Variants in FTO observed in about 807,000 individuals in gnomAD.
FTO encodes the protein FTO alpha-ketoglutarate dependent dioxygenase.
Under a neutral mutation model 63.9 loss-of-function variants are expected in FTO, and 47 were observed. That is an observed-to-expected ratio of 0.74 (90% CI 0.58 to 0.94). The LOEUF (loss-of-function observed/expected upper bound fraction) is 0.94. Among genes scored for constraint, FTO ranks in the 40% least tolerant of loss-of-function variants. The pLI is 0.00. For missense variants in FTO, 562 were observed against 618.1 expected (o/e 0.91, Z 0.96); for synonymous variants, 207 against 224.4 (o/e 0.92, Z 0.69).
At chr16:54,092,586 C>A (rs531997656) in intron 8 of FTO, among the ~76,000 whole-genome samples, 1 of 152,268 alleles carries the variant, frequency 6.6e-6, no homozygotes, top group African/African-American at 2.4e-5. Flanking sequence ...GAACCTGTTC[C>A]TTCATCCTCA....
intron 8 of FTO, among the ~76,000 whole-genome samples, chr16:53,983,617 C>A (rs1469667033): frequency 2.0e-5 from 3 of 152,002 alleles, no homozygotes; most frequent in Non-Finnish European, 4.4e-5. Flanking sequence ...CACACACACA[C>A]ACACACATCA....
intron 8 of FTO, among the ~76,000 whole-genome samples, chr16:53,938,933 CA>C (rs75389919): frequency 0.056 from 7,022 of 125,028 alleles, 308 homozygotes; most frequent in African/African-American, 0.14. Flanking sequence ...ACTAAAAATA[CA>C]AAAAAAAAAA....
intron 8 of FTO, among the ~76,000 whole-genome samples, chr16:53,988,775 CA>C (rs35962108): frequency 0.14 from 21,711 of 152,124 alleles, 1,831 homozygotes; most frequent in Admixed American, 0.26. Context: ...GGCCATCTGG[CA>C]ACCAAGACAT....
At chr16:53,929,972 C>G (rs2082240839) in intron 7 of FTO, among the ~76,000 whole-genome samples, 1 of 152,266 alleles carries the variant, frequency 6.6e-6, no homozygotes, top group South Asian at 2.1e-4. Flanking sequence ...CTAGGTGGCA[C>G]TTGGGGACTC....
At chr16:53,859,770 C>A (rs2080117720) in intron 4 of FTO, among the ~76,000 whole-genome samples, 1 of 151,996 alleles carries the variant, frequency 6.6e-6, no homozygotes, top group African/African-American at 2.4e-5. Flanking sequence ...AACTATTATA[C>A]AATAGACAAT....
intron 6 of FTO, 112 bp downstream of exon 6, chr16:53,880,099 A>G (rs942820103): frequency 1.3e-6 from 1 of 778,196 alleles, no homozygotes; most frequent in Non-Finnish European, 2.1e-6. Flanking sequence ...GGTTCAAGTG[A>G]TCCTCCTGTC....
chr16:53,908,258 A>G (rs1292662127), intron 7 of FTO, among the ~76,000 whole-genome samples: 1 of 152,222 alleles, frequency 6.6e-6, no homozygotes. Flanking sequence ...GGGCAAGTCT[A>G]AAATGTCCAA....
At chr16:53,950,155 T>TAAAAAAAAAAAAAAAAAAAAAAC (rs2082742563) in intron 8 of FTO, among the ~76,000 whole-genome samples, 2 of 50,602 alleles carry the variant, frequency 4.0e-5, no homozygotes, top group Admixed American at 2.9e-4. Context: ...TTCACATTTG[T>TAAAAAAAAAAAAAAAAAAAAAAC]AAAAAAAAAA....
At chr16:53,874,436 A>G (rs1172010776) in intron 5 of FTO, among the ~76,000 whole-genome samples, 1 of 152,202 alleles carries the variant, frequency 6.6e-6, no homozygotes, top group Non-Finnish European at 1.5e-5. Context: ...CAGAATGGAA[A>G]ACTAAGAAAT....
At chr16:53,951,231 A>C (rs1271112824) in intron 8 of FTO, among the ~76,000 whole-genome samples, 1 of 152,170 alleles carries the variant, frequency 6.6e-6, no homozygotes, top group Non-Finnish European at 1.5e-5. Flanking sequence ...CCCCGTCTCC[A>C]AGCTACCCCC....
At chr16:53,874,767 T>A (rs1349092554) in intron 5 of FTO, among the ~76,000 whole-genome samples, 3 of 152,172 alleles carry the variant, frequency 2.0e-5, no homozygotes, top group African/African-American at 7.2e-5. Flanking sequence ...AGAGAGAGAA[T>A]GAATGAGTAT....
chr16:53,895,230 A>G (rs1181957096), intron 7 of FTO, among the ~76,000 whole-genome samples: 1 of 15,100 alleles, frequency 6.6e-5, no homozygotes, highest in Non-Finnish European at 2.6e-4. Flanking sequence ...TGATTATCTT[A>G]TGAATTTCAG....
intron 7 of FTO, among the ~76,000 whole-genome samples, chr16:53,917,892 T>C (rs1484277061): frequency 1.3e-5 from 2 of 152,318 alleles, no homozygotes; most frequent in East Asian, 1.9e-4. Flanking sequence ...GTACAGCAAC[T>C]CTGCCCGTGT....
At chr16:53,823,820 G>A (rs1463493148) in intron 2 of FTO, among the ~76,000 whole-genome samples, 1 of 152,044 alleles carries the variant, frequency 6.6e-6, no homozygotes, top group African/African-American at 2.4e-5. Flanking sequence ...CAGGAGTGGA[G>A]GTTGCAGTGA....
chr16:53,926,828 T>TC (rs2082150875), intron 7 of FTO, among the ~76,000 whole-genome samples: 1 of 152,044 alleles, frequency 6.6e-6, no homozygotes, highest in Non-Finnish European at 1.5e-5. Context: ...GGTTTTTTTT[T>TC]TCCCCAGGCT....
At chr16:53,754,708 C>G (rs537935945) in intron 1 of FTO, among the ~76,000 whole-genome samples, 27 of 152,142 alleles carry the variant, frequency 1.8e-4, no homozygotes, top group Non-Finnish European at 2.6e-4. Flanking sequence ...GCATGATACA[C>G]AATGCACCAA....
chr16:53,834,446 T>G (rs879204362), intron 3 of FTO, among the ~76,000 whole-genome samples: 1 of 152,222 alleles, frequency 6.6e-6, no homozygotes, highest in Admixed American at 6.5e-5. Context: ...TCATTCATAT[T>G]GGTATTAATT....
chr16:53,880,371 A>T (rs998062833), intron 6 of FTO, among the ~76,000 whole-genome samples: 10 of 152,186 alleles, frequency 6.6e-5, no homozygotes, highest in African/African-American at 2.4e-4. Flanking sequence ...CCACAATTTC[A>T]TATTGTTATA....
At chr16:53,759,101 A>G (rs2076988175) in intron 1 of FTO, among the ~76,000 whole-genome samples, 1 of 152,174 alleles carries the variant, frequency 6.6e-6, no homozygotes, top group Admixed American at 6.5e-5. Flanking sequence ...GGGGTTCATT[A>G]TATTATTATT....
Sources: gnomAD v4.1 joint callset for allele counts (sites outside exome capture counted in the v4.1 genomes callset) on GRCh38, gnomAD v4.1.1 for gene constraint, MANE v1.5 for transcripts, NCBI Gene and HGNC (gene_info 2026-07-23, HGNC 2026-07-21) for gene names.